POLR2E: variants seen among roughly 807,000 people sequenced by gnomAD.
POLR2E encodes the protein DNA-directed RNA polymerases I, II, and III subunit RPABC1.
In POLR2E, 35 loss-of-function variants were observed where a neutral mutation model predicts 29.8. The observed-to-expected ratio is 1.17, with a 90% CI of 0.90 to 1.55. POLR2E has a LOEUF of 1.55. Among genes scored for constraint, POLR2E ranks in the 40% most tolerant of loss-of-function variants. The pLI, the probability that POLR2E is intolerant of heterozygous loss-of-function variation, is 0.00. For missense variants in POLR2E, 287 were observed against 288.6 expected, an observed-to-expected ratio of 0.99 and a Z score of 0.04; for synonymous variants, 174 against 112.6, an observed-to-expected ratio of 1.55 and a Z score of -3.45.
Position 1,091,864 on chromosome 19 carries a change from C to T in POLR2E, c.276G>A (p.Gln92=). ...VGIKTIKVYC[Q]RMQEENITRA... is the part of the protein sequence containing the mutation. ...GTGTGATGTTCTCCTCCTGCATGCG[C>T]TGGCAGTACACCTTGATGGTCTTGA... is the stretch of plus-strand genomic sequence containing the variant. Residue 92 remains glutamine, a synonymous_variant, in exon 3 of 8, where the codon CAG becomes CAA. Coordinates refer to ENST00000615234, the MANE Select transcript of POLR2E (RefSeq NM_002695.5). 2 of 1,613,358 alleles carry T rather than the reference C, an allele frequency of 1.2e-6. No homozygotes were observed. Among genetic ancestry groups the T allele is most frequent in the Non-Finnish European group, 1.7e-6 (2 of 1,179,850 alleles).
At chr19:1,093,176 ACT>A (rs985193753) in intron 2 of POLR2E, among the ~76,000 whole-genome samples, 3 of 150,848 alleles carry the variant, frequency 2.0e-5, no homozygotes, top group African/African-American at 4.9e-5. Flanking sequence ...ACAGATTGAG[ACT>A]CTTTTTCAAA....
At chr19:1,089,630 G>C in intron 6 of POLR2E, 79 bp from the exon 7 acceptor site, 2 of 1,272,322 alleles carry the variant, frequency 1.6e-6, no homozygotes, top group Non-Finnish European at 2.3e-6. Flanking sequence ...GGCAGCACAC[G>C]GGCTGGGGAT....
At chr19:1,093,833 G>A (rs773802526) in intron 2 of POLR2E, 71 bp downstream of exon 2, 4 of 1,481,242 alleles carry the variant, frequency 2.7e-6, no homozygotes, top group Non-Finnish European at 3.6e-6. Flanking sequence ...GTGGGGGTGG[G>A]TGCTAGCGAC....
At chr19:1,091,042 C>A (rs573228406) in intron 3 of POLR2E, 54 bp from the exon 4 acceptor site, 535 of 1,507,342 alleles carry the variant, frequency 3.5e-4, no homozygotes, top group Non-Finnish European at 4.8e-4. Flanking sequence ...CAACCCCAAC[C>A]CCATTTCCTG....
At chr19:1,089,436 G>T (rs764366161) in intron 7 of POLR2E, 36 bp downstream of exon 7, 2 of 1,428,482 alleles carry the variant, frequency 1.4e-6, no homozygotes, top group East Asian at 2.3e-5. Context: ...CCCTGCCTCT[G>T]ACCCCACCTC....
Position 1,089,956 on chromosome 19 carries a change from G to A in POLR2E, c.495C>T (p.Leu165=). Residue 165 remains leucine (L), a synonymous_variant, in exon 6 of 8, where the codon CTC becomes CTT. Transcript: ENST00000615234. ...EVTELLARYK[L]RENQLPRIQA... ...GGATCCTGGGCAGCTGGTTCTCTCG[G>A]AGCTTACTGCGAAGCACCGTCAGGA... 2 of 1,612,808 alleles carry A rather than the reference G, an allele frequency of 1.2e-6. No homozygotes were observed. Among genetic ancestry groups the A allele is most frequent in the Middle Eastern group, 1.7e-4 (1 of 5,984 alleles).
intron 1 of POLR2E, 116 bp from the exon 2 acceptor site, chr19:1,094,194 G>C: frequency 1.1e-6 from 1 of 892,286 alleles, no homozygotes; most frequent in Non-Finnish European, 1.7e-6. Context: ...CAGCAAACGG[G>C]ATGAACACTC....
intron 2 of POLR2E, chr19:1,093,598 G>A (rs143462847): frequency 2.1e-5 from 9 of 428,954 alleles, no homozygotes; most frequent in Non-Finnish European, 2.9e-5. Flanking sequence ...CCAGGATGGG[G>A]GAGCCAAGGG....
rs1157446802 is a variant in POLR2E at position 1,087,177 on chromosome 19, G to C, written c.*1558C>G. On this transcript the variant is annotated 3_prime_UTR_variant, in exon 8 of 8. Transcript: ENST00000615234. ...AGGTAATCTTAAAGTTTTTTGTAGA[G>C]GTGGGGGGTTTCTCTGTGTTGCCCG... The C allele has an allele frequency of 6.6e-6, 1 of 151,482 alleles. No homozygotes were observed. The highest frequency in any genetic ancestry group is 1.5e-5 in the Non-Finnish European group (1 of 67,934). 9.4% of individuals were successfully genotyped at this position (151,482 alleles called of 1,614,324 possible). A position where few individuals can be genotyped will look rare whatever the true frequency, so the allele number is the denominator to read the frequency against.
chr19:1,089,342 G>A, intron 7 of POLR2E, 130 bp downstream of exon 7: 5 of 634,934 alleles, frequency 7.9e-6, no homozygotes, highest in Non-Finnish European at 1.4e-5. Context: ...GGAGCGCCTG[G>A]TGGCCCAGCT....
intron 3 of POLR2E, 170 bp downstream of exon 3, chr19:1,091,622 C>T (rs552215850): frequency 8.6e-5 from 52 of 604,250 alleles, no homozygotes; most frequent in Admixed American, 2.9e-4. Context: ...GGCCCATGGA[C>T]GCGGTGGGAG....
chr19:1,095,187 C>A (rs1296807595), intron 1 of POLR2E, 72 bp downstream of exon 1: 24 of 1,471,540 alleles, frequency 1.6e-5, no homozygotes, highest in Middle Eastern at 4.3e-4. Flanking sequence ...GAGGAGACGC[C>A]GTGCTCGACC....
chr19:1,091,694 G>A, intron 3 of POLR2E, 98 bp downstream of exon 3: 1 of 808,900 alleles, frequency 1.2e-6, no homozygotes, highest in Non-Finnish European at 2.1e-6. Flanking sequence ...TGGCTGGCCT[G>A]GCCCAAAGCC....
At chr19:1,093,745 G>A (rs2043887111) in intron 2 of POLR2E, 159 bp downstream of exon 2, 2 of 1,410,522 alleles carry the variant, frequency 1.4e-6, no homozygotes, top group South Asian at 1.6e-5. Context: ...GAGATCAACG[G>A]CATCACCCAC....
At chr19:1,091,490 C>T (rs961493421) in intron 3 of POLR2E, 14 of 446,270 alleles carry the variant, frequency 3.1e-5, no homozygotes, top group South Asian at 2.7e-4. Context: ...AAAGAACCTC[C>T]GGCTCCTGGA....
Position 1,090,493 on chromosome 19 carries a change from T to C in POLR2E, c.430-348A>G, listed in dbSNP as rs2043806468. ...TTTTTTTTTTTTTTTTGAGATGGAG[T>C]CTTGCTCTGTCTCCCAGGCTGGAGT... On this transcript the variant is annotated intron_variant, in intron 4 of 7. Transcript: ENST00000615234. Among the ~76,000 whole-genome samples the C allele has an allele frequency of 3.5e-5, 4 of 113,628 alleles. 1 individual carries two copies. The South Asian group carries it at 1.1e-3, about 31-fold the overall frequency. The allele number at this position is 113,628 out of a possible 152,430, so 74.5% of individuals were successfully genotyped here.
chr19:1,091,464 G>A (rs1014532290), intron 3 of POLR2E: 2 of 401,372 alleles, frequency 5.0e-6, no homozygotes, highest in Non-Finnish European at 9.3e-6. Flanking sequence ...AGTCCCCCTG[G>A]ACATCAGCTC....
rs762001023 is a variant in POLR2E at position 1,095,265 on chromosome 19, G to A, written c.51C>T (p.Ile17=). ...TYRLWKIRKT[I]MQLCHDRGYL... is the part of the protein sequence containing the mutation. ...AACACCAGGCGCGGCTCACCTGCAT[G>A]ATGGTCTTGCGGATTTTCCAGAGCC... The change falls in exon 1 of 8, where the codon ATC becomes ATT. Residue 17 remains isoleucine (I), a synonymous_variant. Coordinates refer to ENST00000615234, the MANE Select transcript of POLR2E (RefSeq NM_002695.5). 6 of 1,613,192 alleles carry A rather than the reference G, an allele frequency of 3.7e-6. No homozygotes were observed. In the South Asian group the frequency reaches 6.6e-5, roughly 18 times the overall value.
intron 4 of POLR2E, among the ~76,000 whole-genome samples, chr19:1,090,381 T>G (rs930868123): frequency 6.7e-5 from 10 of 148,366 alleles, no homozygotes; most frequent in African/African-American, 2.2e-4. Context: ...CTGCTGGGAC[T>G]CCTCCTGTCC....
Sources: gnomAD v4.1 joint callset for allele counts (sites outside exome capture counted in the v4.1 genomes callset) on GRCh38, gnomAD v4.1.1 for gene constraint, MANE v1.5 for transcripts, NCBI Gene and HGNC (gene_info 2026-07-23, HGNC 2026-07-21) for gene names.